SUCLG2: variants seen among roughly 807,000 people sequenced by gnomAD.
SUCLG2 encodes succinate-CoA ligase GDP-forming subunit beta, also known as succinate--CoA ligase [GDP-forming] subunit beta, mitochondrial.
Under a neutral mutation model 47.9 loss-of-function variants are expected in SUCLG2, and 42 were observed. The observed-to-expected ratio is 0.88, with a 90% CI of 0.69 to 1.14. The LOEUF (loss-of-function observed/expected upper bound fraction) is 1.14. SUCLG2 is among the 50% of genes most tolerant of loss of function. The pLI is 0.00. For synonymous variants in SUCLG2, 195 were observed against 197.3 expected, an observed-to-expected ratio of 0.99 and a Z score of 0.10; for missense variants, 571 against 525.9, an observed-to-expected ratio of 1.09 and a Z score of -0.84.
intron 9 of SUCLG2, among the ~76,000 whole-genome samples, chr3:67,472,082 T>C (rs1276981626): frequency 6.6e-6 from 1 of 152,158 alleles, no homozygotes; most frequent in East Asian, 1.9e-4. Flanking sequence ...AAAAATCAAA[T>C]CTAGTTTCAT....
chr3:67,397,666 C>A (rs1702577434), intron 10 of SUCLG2, among the ~76,000 whole-genome samples: 1 of 152,140 alleles, frequency 6.6e-6, no homozygotes, highest in South Asian at 2.1e-4. Context: ...TTGGAAAAAA[C>A]TACTTTAAAG....
Position 67,434,354 on chromosome 3 carries a change from T to C in SUCLG2, c.1063-33503A>G, listed in dbSNP as rs75155948. Among the ~76,000 whole-genome samples, 1,086 of 152,178 alleles carry C rather than the reference T, an allele frequency of 7.1e-3. 15 individuals are homozygous for C. The highest frequency in any genetic ancestry group is 0.025 in the African/African-American group (1,028 of 41,512). On this transcript the variant is annotated intron_variant, in intron 9 of 10. Transcript: ENST00000307227. Reference sequence around the variant, plus strand: ...CAGGCTGGGAAACACAGCAAGAACCTATCTCTACAAAAAATGAAAAACATT... The same window carrying C: ...CAGGCTGGGAAACACAGCAAGAACCCATCTCTACAAAAAATGAAAAACATT...
At chr3:67,439,536 T>C (rs1026630547) in intron 9 of SUCLG2, among the ~76,000 whole-genome samples, 10 of 152,180 alleles carry the variant, frequency 6.6e-5, no homozygotes, top group African/African-American at 2.2e-4. Context: ...TTCAGCAAAG[T>C]CTGAGGATAC....
At chr3:67,575,079 T>C (rs182696380) in intron 2 of SUCLG2, among the ~76,000 whole-genome samples, 199 of 152,256 alleles carry the variant, frequency 1.3e-3, no homozygotes, top group Non-Finnish European at 2.2e-3. Flanking sequence ...TATAAAGAAA[T>C]AGAAACTTTC....
At chr3:67,512,929 G>A (rs1037409160) in intron 6 of SUCLG2, among the ~76,000 whole-genome samples, 7 of 148,252 alleles carry the variant, frequency 4.7e-5, no homozygotes, top group Non-Finnish European at 7.4e-5. Flanking sequence ...CTATATATAC[G>A]CACATATATA....
At chr3:67,398,213 T>C (rs1173093412) in intron 10 of SUCLG2, among the ~76,000 whole-genome samples, 1 of 150,386 alleles carries the variant, frequency 6.6e-6, no homozygotes, top group Non-Finnish European at 1.5e-5. Flanking sequence ...CAAAAGAAAC[T>C]ACCATCAGAG....
chr3:67,563,327 A>T (rs1276691848), intron 2 of SUCLG2, among the ~76,000 whole-genome samples: 1 of 152,188 alleles, frequency 6.6e-6, no homozygotes, highest in Non-Finnish European at 1.5e-5. Flanking sequence ...GACTTTGAAC[A>T]AGGCCCGTCA....
At chr3:67,523,644 A>C (rs1340049255) in intron 4 of SUCLG2, among the ~76,000 whole-genome samples, 4 of 152,232 alleles carry the variant, frequency 2.6e-5, no homozygotes, top group African/African-American at 9.6e-5. Context: ...CATTAATACA[A>C]ACATTTTAAG....
chr3:67,513,445 T>C (rs183136912), intron 6 of SUCLG2, among the ~76,000 whole-genome samples: 2 of 152,358 alleles, frequency 1.3e-5, no homozygotes, highest in Admixed American at 6.5e-5. Context: ...CATAATCTGA[T>C]CTTGGAGACA....
intron 2 of SUCLG2, among the ~76,000 whole-genome samples, chr3:67,601,577 G>A (rs1485435216): frequency 4.6e-5 from 7 of 152,146 alleles, no homozygotes; most frequent in Non-Finnish European, 8.8e-5. Context: ...ACAATGGGGT[G>A]AGTCAAAGGC....
intron 1 of SUCLG2, among the ~76,000 whole-genome samples, chr3:67,641,235 G>A (rs1701095444): frequency 6.6e-6 from 1 of 152,156 alleles, no homozygotes; most frequent in Non-Finnish European, 1.5e-5. Context: ...GAAATGGTCA[G>A]AGCTTCTCAA....
intron 2 of SUCLG2, among the ~76,000 whole-genome samples, chr3:67,597,242 C>G (rs920676071): frequency 3.9e-5 from 6 of 152,248 alleles, no homozygotes; most frequent in African/African-American, 1.4e-4. Context: ...AATTTCCCAA[C>G]TTCCCACCAT....
chr3:67,469,386 A>G (rs539103207), intron 9 of SUCLG2, among the ~76,000 whole-genome samples: 35 of 152,202 alleles, frequency 2.3e-4, no homozygotes, highest in Non-Finnish European at 3.8e-4. Context: ...CTCAACCTTT[A>G]CCCTAGGCCT....
chr3:67,513,170 T>A (rs1212660790), intron 6 of SUCLG2, among the ~76,000 whole-genome samples: 1 of 145,076 alleles, frequency 6.9e-6, no homozygotes, highest in African/African-American at 2.9e-5. Context: ...TACTGCAGCA[T>A]GTGTCAGAAT....
chr3:67,562,880 T>TA (rs1398901183), intron 2 of SUCLG2, among the ~76,000 whole-genome samples: 2 of 152,102 alleles, frequency 1.3e-5, no homozygotes, highest in African/African-American at 4.8e-5. Context: ...TTGCAAACCT[T>TA]AGTGAACTGT....
At chr3:67,405,516 T>C (rs1702783403) in intron 9 of SUCLG2, among the ~76,000 whole-genome samples, 1 of 152,154 alleles carries the variant, frequency 6.6e-6, no homozygotes, top group Non-Finnish European at 1.5e-5. Context: ...CACAACATTT[T>C]TGGGGGATAA....
chr3:67,443,779 C>CA (rs1703838246), intron 9 of SUCLG2, among the ~76,000 whole-genome samples: 1 of 88,692 alleles, frequency 1.1e-5, no homozygotes, highest in Non-Finnish European at 2.7e-5. Context: ...TCTGCCCGGC[C>CA]GCCCCGTCTG....
intron 9 of SUCLG2, chr3:67,408,611 G>T: frequency 1.0e-6 from 1 of 1,004,564 alleles, no homozygotes; most frequent in African/African-American, 1.7e-5. Context: ...TAGGGAAATG[G>T]GTCTAATTAG....
At position 67,443,405 on chromosome 3, in the gene SUCLG2, G is replaced by A. The variant is rs1358803078; in HGVS notation, c.1063-42554C>T. Among the ~76,000 whole-genome samples, 2 of 75,062 alleles carry A rather than the reference G, an allele frequency of 2.7e-5. 1 individual carries two copies. The highest frequency in any genetic ancestry group is 5.9e-5 in the Non-Finnish European group (2 of 33,716). 49.2% of individuals were successfully genotyped at this position (75,062 alleles called of 152,430 possible). Reference sequence around the variant, plus strand: ...AGCGGACGGGCCCCGCGGGGCCCGAGGGCAAGGAGCAGCCGCCTGCCTTGG... The same window carrying A: ...AGCGGACGGGCCCCGCGGGGCCCGAAGGCAAGGAGCAGCCGCCTGCCTTGG... On this transcript the variant is annotated intron_variant, in intron 9 of 10. Transcript: ENST00000307227.
Sources: gnomAD v4.1 joint callset for allele counts (sites outside exome capture counted in the v4.1 genomes callset) on GRCh38, gnomAD v4.1.1 for gene constraint, MANE v1.5 for transcripts, NCBI Gene and HGNC (gene_info 2026-07-23, HGNC 2026-07-21) for gene names.